CD6: variants seen among roughly 807,000 people sequenced by gnomAD.
The protein encoded by CD6 is T-cell differentiation antigen CD6.
A neutral mutation model predicts 75.3 loss-of-function variants in CD6; 53 were observed. The ratio of observed to expected loss-of-function variants is 0.70; its 90% CI spans 0.56 to 0.88. The LOEUF (loss-of-function observed/expected upper bound fraction) is 0.88, where lower values mean the gene tolerates loss of function less well. CD6 is among the 40% of genes least tolerant of loss of function. The pLI is 0.00. For missense variants in CD6, 770 were observed against 897.1 expected (o/e 0.86, Z 1.81); for synonymous variants, 359 against 381.5 (o/e 0.94, Z 0.69).
At chr11:61,017,422 G>A in intron 9 of CD6, 57 bp from the exon 10 acceptor site, 2 of 1,374,556 alleles carry the variant, frequency 1.5e-6, no homozygotes, top group Admixed American at 3.9e-5. Flanking sequence ...TCTTCTCCAG[G>A]CTCCTAAATG....
chr11:60,981,345 C>T (rs1372537408), intron 1 of CD6, among the ~76,000 whole-genome samples: 1 of 152,200 alleles, frequency 6.6e-6, no homozygotes, highest in Non-Finnish European at 1.5e-5. Context: ...AAATCCGTTG[C>T]TTTTTCCCAG....
At chr11:61,015,496 A>G in intron 8 of CD6, 1 of 532,780 alleles carries the variant, frequency 1.9e-6, no homozygotes. Context: ...GCCTGAGCCC[A>G]GGAGGTCAAT....
intron 1 of CD6, among the ~76,000 whole-genome samples, chr11:60,993,227 AG>A (rs1187395233): frequency 6.6e-6 from 1 of 152,180 alleles, no homozygotes; most frequent in Non-Finnish European, 1.5e-5. Flanking sequence ...GAGCCGGGGA[AG>A]GGTGCAGCCA....
chr11:60,977,133 C>G (rs987838829), intron 1 of CD6, among the ~76,000 whole-genome samples: 5 of 152,084 alleles, frequency 3.3e-5, no homozygotes, highest in African/African-American at 1.2e-4. Flanking sequence ...GCCCATGGCC[C>G]TCCTCATTCA....
At position 61,019,541 on chromosome 11, in the gene CD6, G is replaced by A. The variant is rs1221974756; in HGVS notation, c.*223G>A. 8 of 433,388 alleles carry A rather than the reference G, an allele frequency of 1.8e-5. No individual in the cohort carries two copies. The highest frequency in any genetic ancestry group is 4.0e-5 in the African/African-American group (2 of 49,994). The allele number at this position is 433,388 out of a possible 1,614,324, so 26.8% of individuals were successfully genotyped here. A position where few individuals can be genotyped will look rare whatever the true frequency, so the allele number is the denominator to read the frequency against. ...CCCCGGCCCCAGATAGCAGCCCCAG[G>A]GAGGATGCTGCCTCCAAGAGGTGTG... On this transcript the variant is annotated 3_prime_UTR_variant, in exon 13 of 13. Transcript: ENST00000313421.
chr11:61,018,513 G>GGAAGGGTAAAAGA, intron 12 of CD6, 120 bp downstream of exon 12: 1 of 781,852 alleles, frequency 1.3e-6, no homozygotes, highest in Non-Finnish European at 2.0e-6. Flanking sequence ...GGTAAAAGAA[G>GGAAGGGTAAAAGA]AGAGGGAAAG....
intron 6 of CD6, among the ~76,000 whole-genome samples, chr11:61,011,594 C>G (rs1258638048): frequency 6.6e-6 from 1 of 152,226 alleles, no homozygotes; most frequent in African/African-American, 2.4e-5. Flanking sequence ...CTTTAATCCT[C>G]TTGGTAGCCA....
intron 1 of CD6, among the ~76,000 whole-genome samples, chr11:60,997,877 C>T (rs910241242): frequency 6.6e-6 from 1 of 152,180 alleles, no homozygotes; most frequent in Non-Finnish European, 1.5e-5. Context: ...TGCTCAGTAG[C>T]CACACGTGGC....
At chr11:60,978,916 G>A (rs528095094) in intron 1 of CD6, among the ~76,000 whole-genome samples, 28 of 152,288 alleles carry the variant, frequency 1.8e-4, no homozygotes, top group African/African-American at 6.7e-4. Context: ...AGAAATGTTA[G>A]CTTATAAATG....
In CD6 at chr11:61,007,929, C is replaced by G; in HGVS notation, c.469+19C>G. The G allele has an allele frequency of 7.7e-7, 1 of 1,294,636 alleles. No individual in the cohort carries two copies. Among genetic ancestry groups the G allele is most frequent in the South Asian group, 2.2e-5 (1 of 45,524 alleles). The allele number at this position is 1,294,636 out of a possible 1,614,324, so 80.2% of individuals were successfully genotyped here. A position where few individuals can be genotyped will look rare whatever the true frequency, so the allele number is the denominator to read the frequency against. On this transcript the variant is annotated intron_variant, in intron 3 of 12. Transcript: ENST00000313421. This position sits in a 1 kb window ranked among gnomAD's most constrained non-coding sequence, Gnocchi z 4.2. ...TGTGCAGGTACGAGCGCACCCCCTACACGGGCCCCCACCTGCCCCACTCCC... is the reference window on the plus strand; with the variant it reads ...TGTGCAGGTACGAGCGCACCCCCTAGACGGGCCCCCACCTGCCCCACTCCC...
At chr11:60,996,094 C>T (rs1391289375) in intron 1 of CD6, among the ~76,000 whole-genome samples, 1 of 152,190 alleles carries the variant, frequency 6.6e-6, no homozygotes, top group Non-Finnish European at 1.5e-5. Context: ...GGTTCAATTC[C>T]CAGCTTGGCC....
At chr11:61,001,290 G>C (rs1858577702) in intron 1 of CD6, among the ~76,000 whole-genome samples, 1 of 139,932 alleles carries the variant, frequency 7.1e-6, no homozygotes, top group African/African-American at 2.7e-5. Flanking sequence ...TGCAACCTCT[G>C]CCTCCTGGGT....
Position 61,007,678 on chromosome 11 carries a change from C to T in CD6, c.237C>T (p.Ala79=), listed in dbSNP as rs1858930212. 1 of 1,419,444 alleles carries T rather than the reference C, an allele frequency of 7.0e-7. No individual in the cohort carries two copies. Among genetic ancestry groups the T allele is most frequent in the African/African-American group, 1.5e-5 (1 of 66,254 alleles). 87.9% of individuals were successfully genotyped at this position (1,419,444 alleles called of 1,614,324 possible). Residue 79 remains alanine, a synonymous_variant, in exon 3 of 13, where the codon GCC becomes GCT. Coordinates refer to ENST00000313421, the MANE Select transcript of CD6 (RefSeq NM_006725.5). This position sits in a 1 kb window ranked among gnomAD's most constrained non-coding sequence, Gnocchi z 4.2. The stretch of plus-strand genomic sequence containing the variant: ...GGGCGCTCTGGGACAGCCGCGCCGC[C>T]GAGGCCGTGTGCCGAGCACTGGGCT... ...ACGALWDSRA[A]EAVCRALGCG...
chr11:61,011,739 C>A (rs550562401), intron 6 of CD6, among the ~76,000 whole-genome samples: 2 of 152,332 alleles, frequency 1.3e-5, no homozygotes, highest in South Asian at 4.2e-4. Flanking sequence ...GGTCTACCCA[C>A]CAGCTGCGTG....
intron 11 of CD6, 82 bp downstream of exon 11, chr11:61,018,095 TGAG>T (rs1859505746): frequency 9.8e-6 from 15 of 1,537,232 alleles, no homozygotes; most frequent in Non-Finnish European, 1.1e-5. Context: ...TGAGTCAGGC[TGAG>T]GTCAGGATTC....
chr11:60,989,336 C>T (rs563741236), intron 1 of CD6: 146 of 152,370 alleles, frequency 9.6e-4, no homozygotes, highest in African/African-American at 3.2e-3. Flanking sequence ...AGAGGAAGTC[C>T]TCGGGAAATG....
At position 60,983,143 on chromosome 11, in the gene CD6, T is replaced by C. The variant is rs184805045; in HGVS notation, c.49+11229T>C. 5.5e-3 allele frequency among the ~76,000 whole-genome samples: 836 copies of C among 151,844 alleles called. 5 individuals carry two copies. Among genetic ancestry groups the C allele is most frequent in the Non-Finnish European group, 9.9e-3 (675 of 67,920 alleles). ...CGGAGTCTCACTCTTGTTGCCCAGG[T>C]TGGAGTGCAGTGTTGTGATCTCGGC... On this transcript the variant is annotated intron_variant, in intron 1 of 12. Coordinates refer to ENST00000313421, the MANE Select transcript of CD6 (RefSeq NM_006725.5).
At chr11:60,979,703 G>A (rs1188538948) in intron 1 of CD6, among the ~76,000 whole-genome samples, 1 of 152,002 alleles carries the variant, frequency 6.6e-6, no homozygotes, top group African/African-American at 2.4e-5. Flanking sequence ...CCTGACCTCA[G>A]GTGATCCACC....
At chr11:61,018,752 A>G in intron 12 of CD6, 1 of 304,318 alleles carries the variant, frequency 3.3e-6, no homozygotes, top group Non-Finnish European at 6.2e-6. Context: ...CAGGAGATCC[A>G]GGCTGCAGTG....
Sources: allele counts gnomAD v4.1 joint callset (sites outside exome capture counted in the v4.1 genomes callset), GRCh38; gene constraint gnomAD v4.1.1; non-coding constraint Gnocchi (gnomAD v3.1); transcripts MANE v1.5; gene names NCBI Gene and HGNC (gene_info 2026-07-23, HGNC 2026-07-21).